Variants in ELAVL4 observed in about 807,000 individuals in gnomAD.
ELAVL4 encodes ELAV like RNA binding protein 4.
A neutral mutation model predicts 35.6 loss-of-function variants in ELAVL4; 1 was observed. That is an observed-to-expected ratio of 0.03 (90% CI 0.01 to 0.13). The LOEUF (loss-of-function observed/expected upper bound fraction) is 0.13, where lower values mean the gene tolerates loss of function less well. Ranked by LOEUF, ELAVL4 falls within the 10% of genes least tolerant of loss-of-function variation. The pLI is 1.00. For missense variants in ELAVL4, 267 were observed against 464.9 expected (o/e 0.57, Z 3.91); for synonymous variants, 156 against 171.0 (o/e 0.91, Z 0.69).
At chr1:50,122,636 C>A (rs1373534005) in intron 1 of ELAVL4, among the ~76,000 whole-genome samples, 1 of 152,076 alleles carries the variant, frequency 6.6e-6, no homozygotes. Context: ...CCAACAAGAG[C>A]TCAAGAACTC....
At chr1:50,147,651 C>T (rs914965230) in intron 2 of ELAVL4, among the ~76,000 whole-genome samples, 3 of 152,170 alleles carry the variant, frequency 2.0e-5, no homozygotes, top group Non-Finnish European at 2.9e-5. Flanking sequence ...GGGTAAATGA[C>T]ATCATGGGTA....
chr1:50,054,855 C>G (rs960365660), intron 1 of ELAVL4, among the ~76,000 whole-genome samples: 5 of 152,148 alleles, frequency 3.3e-5, no homozygotes, highest in African/African-American at 1.2e-4. Flanking sequence ...AGGATTCAGC[C>G]AATACGGAGC....
intron 2 of ELAVL4, among the ~76,000 whole-genome samples, chr1:50,164,358 C>A (rs571949215): frequency 1.3e-5 from 2 of 152,248 alleles, no homozygotes; most frequent in African/African-American, 4.8e-5. Context: ...GGCAGCCCAC[C>A]CCTTAAAAAA....
At chr1:50,057,037 G>A (rs1452954404) in intron 1 of ELAVL4, among the ~76,000 whole-genome samples, 5 of 152,064 alleles carry the variant, frequency 3.3e-5, no homozygotes, top group African/African-American at 1.2e-4. Context: ...TGTTATCACG[G>A]GAGGTGACAG....
At chr1:50,100,195 T>C (rs1262639820), upstream of ELAVL4, among the ~76,000 whole-genome samples, 1 of 152,194 alleles carries the variant, frequency 6.6e-6, no homozygotes, top group East Asian at 1.9e-4. Flanking sequence ...TGAGATTAAA[T>C]GAGATTTATA....
At chr1:50,193,620 G>A (rs578161046) in intron 3 of ELAVL4, 145 bp from the exon 4 acceptor site, 112 of 940,058 alleles carry the variant, frequency 1.2e-4, no homozygotes, top group Non-Finnish European at 1.7e-4. Context: ...TACAAGGGTA[G>A]CTAAAAATCT....
At chr1:50,200,581 C>T (rs1303644773) in intron 6 of ELAVL4, among the ~76,000 whole-genome samples, 1 of 152,138 alleles carries the variant, frequency 6.6e-6, no homozygotes, top group Non-Finnish European at 1.5e-5. Context: ...TGTTACAGAG[C>T]CTTGCTCTGG....
chr1:50,144,312 A>G (rs943286931), intron 1 of ELAVL4, among the ~76,000 whole-genome samples: 13 of 152,044 alleles, frequency 8.6e-5, no homozygotes, highest in African/African-American at 2.2e-4. Flanking sequence ...GTTTGCCTCC[A>G]TGTTTTTTGT....
intron 3 of ELAVL4, among the ~76,000 whole-genome samples, chr1:50,185,958 C>T (rs114942709): frequency 6.6e-6 from 1 of 152,162 alleles, no homozygotes; most frequent in African/African-American, 2.4e-5. Flanking sequence ...CCAGATATTC[C>T]ACTAACCAGG....
At chr1:50,158,224 C>T (rs138917124) in intron 2 of ELAVL4, among the ~76,000 whole-genome samples, 118 of 152,220 alleles carry the variant, frequency 7.8e-4, no homozygotes, top group African/African-American at 2.8e-3. Context: ...TTATTAGCTC[C>T]ATTTTATAGA....
At chr1:50,136,472 T>G (rs1164235836) in intron 1 of ELAVL4, among the ~76,000 whole-genome samples, 2 of 152,216 alleles carry the variant, frequency 1.3e-5, no homozygotes, top group African/African-American at 4.8e-5. Context: ...TGACTGCCCT[T>G]GGTAAACATT....
intron 1 of ELAVL4, among the ~76,000 whole-genome samples, chr1:50,117,723 T>A (rs1668203600): frequency 6.6e-6 from 1 of 152,168 alleles, no homozygotes; most frequent in Non-Finnish European, 1.5e-5. Context: ...TCAGTCTTTC[T>A]GTCCCTTGGC....
chr1:50,186,565 G>C (rs1681857163), intron 3 of ELAVL4, among the ~76,000 whole-genome samples: 1 of 152,254 alleles, frequency 6.6e-6, no homozygotes, highest in East Asian at 1.9e-4. Context: ...ATTCAGTATG[G>C]GCTTAGAAAG....
chr1:50,128,807 C>T (rs1489717372), intron 1 of ELAVL4, among the ~76,000 whole-genome samples: 1 of 152,052 alleles, frequency 6.6e-6, no homozygotes, highest in African/African-American at 2.4e-5. Context: ...CTGGAATGTG[C>T]ATTCCAGGGC....
chr1:50,199,618 G>A (rs1042260178), intron 6 of ELAVL4, among the ~76,000 whole-genome samples: 1 of 151,586 alleles, frequency 6.6e-6, no homozygotes, highest in Non-Finnish European at 1.5e-5. Flanking sequence ...TGAGGCAGGA[G>A]AATCACTTGA....
intron 1 of ELAVL4, among the ~76,000 whole-genome samples, chr1:50,048,420 G>A (rs1663182862): frequency 6.6e-6 from 1 of 152,136 alleles, no homozygotes; most frequent in African/African-American, 2.4e-5. Flanking sequence ...GCAGGTCAGG[G>A]TCACACCCCT....
At chr1:50,088,904 C>A (rs549533163) in intron 1 of ELAVL4, among the ~76,000 whole-genome samples, 16 of 123,038 alleles carry the variant, frequency 1.3e-4, no homozygotes, top group Non-Finnish European at 2.5e-4. Context: ...TGTTTCAGAT[C>A]CATTCAAATG....
chr1:50,178,073 T>C (rs1418563956), intron 3 of ELAVL4, among the ~76,000 whole-genome samples: 1 of 152,288 alleles, frequency 6.6e-6, no homozygotes, highest in East Asian at 1.9e-4. Flanking sequence ...GGATGGAGCC[T>C]GCCTCCTCCT....
intron 3 of ELAVL4, among the ~76,000 whole-genome samples, chr1:50,177,994 A>G (rs3001635): frequency 0.95 from 144,998 of 152,274 alleles, 69,450 homozygotes; most frequent in East Asian, 1. Flanking sequence ...GACTTCACCT[A>G]TGGGATCCTT....
Sources: allele counts gnomAD v4.1 joint callset (sites outside exome capture counted in the v4.1 genomes callset), GRCh38; gene constraint gnomAD v4.1.1; transcripts MANE v1.5; gene names NCBI Gene and HGNC (gene_info 2026-07-23, HGNC 2026-07-21).